Variants in ZNF425 observed in about 807,000 individuals in gnomAD.
ZNF425 encodes zinc finger protein 425.
A neutral mutation model predicts 17.0 loss-of-function variants in ZNF425; 21 were observed. That is an observed-to-expected ratio of 1.23 (90% CI 0.88 to 1.78). The LOEUF is 1.78. Ranked by LOEUF, ZNF425 falls within the 40% of genes most tolerant of loss-of-function variation. The probability of loss-of-function intolerance (pLI) is 0.00; values close to 1 mark genes in which losing one functional copy is unlikely to be tolerated. For synonymous variants in ZNF425, 433 were observed against 384.1 expected (o/e 1.13, Z -1.49); for missense variants, 868 against 967.3 (o/e 0.90, Z 1.36).
intron 3 of ZNF425, 33 bp downstream of exon 3, chr7:149,112,104 A>G (rs1826185599): frequency 1.3e-6 from 2 of 1,595,626 alleles, no homozygotes; most frequent in East Asian, 2.2e-5. Context: ...AGGAAAATAA[A>G]ATAATTCATG....
At chr7:149,123,760 G>A in intron 1 of ZNF425, among the ~76,000 whole-genome samples, 1 of 151,322 alleles carries the variant, frequency 6.6e-6, no homozygotes, top group Non-Finnish European at 1.5e-5. Flanking sequence ...TGGAACTCCT[G>A]ACCTCAGTTG....
intron 1 of ZNF425, among the ~76,000 whole-genome samples, chr7:149,123,304 G>A (rs764970476): frequency 3.9e-5 from 6 of 152,136 alleles, no homozygotes; most frequent in Non-Finnish European, 7.3e-5. Flanking sequence ...CAGCCTACTA[G>A]CAAAGTACTG....
chr7:149,115,241 C>T (rs369194390), intron 2 of ZNF425, among the ~76,000 whole-genome samples: 3 of 151,492 alleles, frequency 2.0e-5, no homozygotes, highest in Non-Finnish European at 2.9e-5. Flanking sequence ...TGAGCCCCCA[C>T]GCCTGGTGAA....
At chr7:149,112,499 A>T in intron 2 of ZNF425, 1 of 462,390 alleles carries the variant, frequency 2.2e-6, no homozygotes, top group East Asian at 3.9e-5. Context: ...TGGGCGTGGT[A>T]GCACACGCTT....
intron 3 of ZNF425, among the ~76,000 whole-genome samples, chr7:149,107,042 G>A (rs1490130890): frequency 6.6e-6 from 1 of 151,302 alleles, no homozygotes; most frequent in East Asian, 1.9e-4. Context: ...AGGAGACGGA[G>A]GTTGTAGCGA....
chr7:149,111,692 T>G (rs1826180409), intron 3 of ZNF425, among the ~76,000 whole-genome samples: 1 of 151,342 alleles, frequency 6.6e-6, no homozygotes, highest in Admixed American at 6.6e-5. Flanking sequence ...TACCCTCTCT[T>G]TTTTTGAGAT....
intron 1 of ZNF425, among the ~76,000 whole-genome samples, chr7:149,122,794 C>G (rs1198099999): frequency 6.6e-6 from 1 of 152,182 alleles, no homozygotes; most frequent in East Asian, 1.9e-4. Flanking sequence ...CTCCTTGGTT[C>G]AAGCAGTCCT....
chr7:149,115,518 T>C (rs965452120), intron 2 of ZNF425, among the ~76,000 whole-genome samples: 1 of 151,050 alleles, frequency 6.6e-6, no homozygotes, highest in Non-Finnish European at 1.5e-5. Flanking sequence ...GGTGAAACCC[T>C]GTCTCTACTA....
intron 1 of ZNF425, among the ~76,000 whole-genome samples, chr7:149,121,423 G>A (rs796984581): frequency 7.0e-6 from 1 of 143,126 alleles, no homozygotes; most frequent in Non-Finnish European, 1.5e-5. Flanking sequence ...AGGGAGTCCC[G>A]CTCTGTGGCC....
rs1454291148 is a variant in ZNF425 at position 149,104,958 on chromosome 7, C to T, written c.913G>A (p.Gly305Arg). The change falls in exon 4 of 4, where the codon GGG becomes AGG. Residue 305 changes from glycine to arginine, a missense_variant. By Grantham distance (125) the Gly-to-Arg change is moderately radical (BLOSUM62 -2). Coordinates refer to ENST00000378061, the MANE Select transcript of ZNF425 (RefSeq NM_001001661.3). The surrounding 1 kb of genome is among the most constrained non-coding windows in gnomAD (Gnocchi z 4.3). ...TGCACGAAGGCCCGGCCGCACTCCCCGCAGCAGAACGGCCGCTCCCCGCGG... is the reference window on the plus strand; with the variant it reads ...TGCACGAAGGCCCGGCCGCACTCCCTGCAGCAGAACGGCCGCTCCCCGCGG... ...LHRGERPFCC[G>R]ECGRAFVQQC... 6.8e-6 allele frequency: 11 copies of T among 1,614,072 alleles called. No individual in the cohort carries two copies. Among genetic ancestry groups the T allele is most frequent in the East Asian group, 2.2e-5 (1 of 44,880 alleles).
intron 2 of ZNF425, 194 bp from the exon 3 acceptor site, chr7:149,112,489 T>A (rs1826190296): frequency 6.0e-6 from 3 of 496,020 alleles, no homozygotes; most frequent in Non-Finnish European, 7.1e-6. Context: ...AAAAATTAGC[T>A]GGGCGTGGTA....
Position 149,114,794 on chromosome 7 carries a change from A to G in ZNF425, c.146-2499T>C, listed in dbSNP as rs200825302. 2.3e-4 allele frequency among the ~76,000 whole-genome samples: 35 copies of G among 151,218 alleles called. 2 individuals carry two copies. The highest frequency in any genetic ancestry group is 1.5e-3 in the Admixed American group (23 of 15,196). ...GAGAACACTGTGAGTAAAAAAAAAA[A>G]AAAAGAAAAGAAAAGAAAAGAAAAC... On this transcript the variant is annotated intron_variant, in intron 2 of 3. Transcript: ENST00000378061.
chr7:149,108,048 T>C (rs1826110660), intron 3 of ZNF425, among the ~76,000 whole-genome samples: 2 of 151,736 alleles, frequency 1.3e-5, no homozygotes, highest in African/African-American at 4.8e-5. Flanking sequence ...TTTTTTTTAT[T>C]TTTTGTAGAG....
At position 149,105,088 on chromosome 7, in the gene ZNF425, G is replaced by A. The variant is rs1454020101; in HGVS notation, c.783C>T (p.Leu261=). ...CGGTGTGGACAACCTGATGAGTGAC[G>A]AGGCTGCCCTTCAGGAAGTAGCTCT... ...CEKSYFLKGS[L]VTHQVVHTGQ... Residue 261 remains leucine (L), a synonymous_variant, in exon 4 of 4, where the codon CTC becomes CTT. Transcript: ENST00000378061. 6 of 1,614,194 alleles carry A rather than the reference G, an allele frequency of 3.7e-6. No individual in the cohort carries two copies. The highest frequency in any genetic ancestry group is 2.2e-5 in the East Asian group (1 of 44,882).
chr7:149,115,197 G>A (rs1293369883), intron 2 of ZNF425, among the ~76,000 whole-genome samples: 8 of 145,612 alleles, frequency 5.5e-5, no homozygotes, highest in African/African-American at 7.6e-5. Flanking sequence ...TGATCTGTCC[G>A]CCTCGACCTC....
intron 1 of ZNF425, among the ~76,000 whole-genome samples, chr7:149,120,012 GACAACT>G (rs1337583743): frequency 1.3e-5 from 2 of 152,152 alleles, no homozygotes; most frequent in Non-Finnish European, 2.9e-5. Context: ...GATACTGACA[GACAACT>G]GCATCCCATC....
chr7:149,117,333 T>A (rs1021544478), intron 2 of ZNF425, among the ~76,000 whole-genome samples: 2 of 152,032 alleles, frequency 1.3e-5, no homozygotes, highest in Non-Finnish European at 2.9e-5. Flanking sequence ...TTTCCCCAAA[T>A]TTCTCTTTAA....
At position 149,105,548 on chromosome 7, in the gene ZNF425, C is replaced by T. The variant is rs1462148012; in HGVS notation, c.323G>A (p.Arg108Lys). 1 of 1,511,104 alleles carries T rather than the reference C, an allele frequency of 6.6e-7. No individual in the cohort carries two copies. The highest frequency in any genetic ancestry group is 2.4e-5 in the Admixed American group (1 of 42,122). The allele number at this position is 1,511,104 out of a possible 1,614,324, so 93.6% of individuals were successfully genotyped here. ...LLCFDDEGTP[R>K]TKEEDCRLNG... The stretch of plus-strand genomic sequence containing the variant: ...TAAACGGCAATCCTCTTCTTTTGTC[C>T]TGGGAGTTCCTTCGTCATCTGGAGC... The change falls in exon 4 of 4, where the codon AGG (arginine) becomes AAG (lysine). Residue 108 changes from arginine to lysine, a missense_variant. By Grantham distance (26) the Arg-to-Lys change is conservative. This residue lies in a region of ZNF425 where 179 missense variants were observed against 216.3 expected (regional missense o/e 0.83). Coordinates refer to ENST00000378061, the MANE Select transcript of ZNF425 (RefSeq NM_001001661.3).
At chr7:149,109,743 CATT>C (rs1317148606) in intron 3 of ZNF425, among the ~76,000 whole-genome samples, 5 of 152,160 alleles carry the variant, frequency 3.3e-5, no homozygotes, top group Non-Finnish European at 7.3e-5. Context: ...CATACACATA[CATT>C]ATATAAAGTT....
Sources: gnomAD v4.1 joint callset for allele counts (sites outside exome capture counted in the v4.1 genomes callset) on GRCh38, gnomAD v4.1.1 for gene constraint, gnomAD v4.1.1 regional missense constraint, Gnocchi (gnomAD v3.1) non-coding constraint, MANE v1.5 for transcripts, NCBI Gene and HGNC (gene_info 2026-07-23, HGNC 2026-07-21) for gene names.